UBR2: variants seen among roughly 807,000 people sequenced by gnomAD.
UBR2 encodes ubiquitin protein ligase E3 component n-recognin 2, also known as E3 ubiquitin-protein ligase UBR2.
A neutral mutation model predicts 247.9 loss-of-function variants in UBR2; 92 were observed. The observed-to-expected ratio is 0.37, with a 90% confidence interval of 0.31 to 0.44. The LOEUF is 0.44. UBR2 is among the 20% of genes least tolerant of loss of function. The pLI, the probability that UBR2 is intolerant of heterozygous loss-of-function variation, is 1.00. For missense variants in UBR2, 1,613 were observed against 2,112.6 expected (o/e 0.76, Z 4.64); for synonymous variants, 672 against 693.5 (o/e 0.97, Z 0.49).
At chr6:42,607,102 A>G (rs559777065) in intron 7 of UBR2, among the ~76,000 whole-genome samples, 40 of 152,264 alleles carry the variant, frequency 2.6e-4, no homozygotes, top group African/African-American at 9.4e-4. Flanking sequence ...TTATTTTTAG[A>G]AATTAGAATT....
chr6:42,667,101 C>T (rs935627396), intron 34 of UBR2, among the ~76,000 whole-genome samples: 14 of 152,114 alleles, frequency 9.2e-5, no homozygotes, highest in African/African-American at 2.9e-4. Context: ...TTTGGGAGGC[C>T]ATGGCGGGCA....
rs377192192 is a variant in UBR2 at position 42,657,193 on chromosome 6, C to T, written c.2873-831C>T. ...GAGGTTGCAGTGATCCGAGATTACA[C>T]CACTGCACTCCAGCCTGGGCGACAG... On this transcript the variant is annotated intron_variant, in intron 26 of 46. Coordinates refer to ENST00000372901, the MANE Select transcript of UBR2 (RefSeq NM_001363705.2). Among the ~76,000 whole-genome samples the T allele has an allele frequency of 5.3e-5, 8 of 150,536 alleles. No individual in the cohort carries two copies. The East Asian group carries it at 9.8e-4, about 18-fold the overall frequency.
chr6:42,567,802 G>A (rs1403856236), intron 1 of UBR2, among the ~76,000 whole-genome samples: 2 of 152,156 alleles, frequency 1.3e-5, no homozygotes, highest in East Asian at 3.8e-4. Flanking sequence ...TTGGGAGGCT[G>A]AGGTGGGAGG....
intron 2 of UBR2, among the ~76,000 whole-genome samples, chr6:42,586,361 A>G (rs550989438): frequency 5.6e-4 from 85 of 152,324 alleles, no homozygotes; most frequent in Non-Finnish European, 9.4e-4. Flanking sequence ...CCTTGTCTCA[A>G]CAAACAAAAC....
intron 2 of UBR2, among the ~76,000 whole-genome samples, chr6:42,581,348 C>T (rs1791887369): frequency 6.6e-6 from 1 of 152,106 alleles, no homozygotes; most frequent in East Asian, 1.9e-4. Context: ...CACCACCATG[C>T]TCAGCTAATT....
chr6:42,614,231 CACACACACA>C lies in UBR2; in HGVS notation c.986-839_986-831del, dbSNP rs1562310995. 5.3e-4 allele frequency among the ~76,000 whole-genome samples: 50 copies of C among 94,950 alleles called. 6 individuals carry two copies. The highest frequency in any genetic ancestry group is 1.8e-3 in the African/African-American group (48 of 26,402). 62.3% of individuals were successfully genotyped at this position (94,950 alleles called of 152,430 possible). A position where few individuals can be genotyped will look rare whatever the true frequency, so the allele number is the denominator to read the frequency against. Reference sequence around the variant, plus strand: ...CTATATATATATACACACACACACACACACACACACACACGCGCGCACATATATATACAC... The same window carrying C: ...CTATATATATATACACACACACACACCACACGCGCGCACATATATATACAC... On this transcript the variant is annotated intron_variant, in intron 8 of 46. Coordinates refer to ENST00000372901, the MANE Select transcript of UBR2 (RefSeq NM_001363705.2).
At chr6:42,621,030 A>G (rs1244406868) in intron 11 of UBR2, among the ~76,000 whole-genome samples, 1 of 151,798 alleles carries the variant, frequency 6.6e-6, no homozygotes, top group African/African-American at 2.4e-5. Flanking sequence ...ACTATGTTGG[A>G]CAGACTGGTC....
At chr6:42,679,693 T>C (rs760464074) in intron 41 of UBR2, 31 bp from the exon 42 acceptor site, 8 of 1,490,390 alleles carry the variant, frequency 5.4e-6, no homozygotes, top group African/African-American at 2.8e-5. Context: ...TTAGTTGTTA[T>C]ATGCACTCTT....
intron 16 of UBR2, 131 bp downstream of exon 16, chr6:42,640,401 TG>T (rs1796362406): frequency 1.9e-5 from 7 of 363,124 alleles, no homozygotes; most frequent in Non-Finnish European, 3.5e-5. Context: ...TGTGTGTGTG[TG>T]TGTGTGTGTG....
intron 25 of UBR2, among the ~76,000 whole-genome samples, chr6:42,655,053 G>T (rs1020556335): frequency 6.6e-6 from 1 of 152,198 alleles, no homozygotes; most frequent in Non-Finnish European, 1.5e-5. Context: ...GCTGGTCACA[G>T]CTGGTGTAAT....
chr6:42,564,455 G>A, intron 1 of UBR2, 58 bp downstream of exon 1: 3 of 1,564,088 alleles, frequency 1.9e-6, no homozygotes. Context: ...CCTGTGGGGA[G>A]GAACCGACTC....
intron 2 of UBR2, among the ~76,000 whole-genome samples, chr6:42,576,694 T>C (rs943949970): frequency 9.9e-5 from 15 of 151,976 alleles, no homozygotes; most frequent in Admixed American, 5.2e-4. Context: ...CTAATCTGTG[T>C]ATTTTTAGTA....
intron 42 of UBR2, among the ~76,000 whole-genome samples, chr6:42,681,536 A>G (rs1272280386): frequency 6.6e-6 from 1 of 152,138 alleles, no homozygotes; most frequent in African/African-American, 2.4e-5. Flanking sequence ...GGGAAATCAC[A>G]CTGACATACC....
At chr6:42,606,088 C>T (rs1793681353) in intron 6 of UBR2, among the ~76,000 whole-genome samples, 1 of 151,844 alleles carries the variant, frequency 6.6e-6, no homozygotes, top group South Asian at 2.1e-4. Context: ...ACTAAAAATA[C>T]AAAAATTAGC....
At position 42,655,609 on chromosome 6, in the gene UBR2, C is replaced by T; in HGVS notation, c.2770-12C>T. On this transcript the variant is annotated splice_polypyrimidine_tract_variant and intron_variant, in intron 25 of 46. Transcript: ENST00000372901. ...TAAATTTTTACTAAAAGTTACAAAA[C>T]ATTTATTCAAGGTGTTACATTTAAT... 1.3e-6 allele frequency: 2 copies of T among 1,489,770 alleles called. No individual in the cohort carries two copies. The highest frequency in any genetic ancestry group is 1.8e-6 in the Non-Finnish European group (2 of 1,110,452). 92.3% of individuals were successfully genotyped at this position (1,489,770 alleles called of 1,614,324 possible).
In UBR2 at chr6:42,658,788, A is replaced by T; in HGVS notation, c.3206A>T (p.Glu1069Val). The T allele has an allele frequency of 1.2e-6, 2 of 1,609,564 alleles. No individual in the cohort carries two copies. Among genetic ancestry groups the T allele is most frequent in the Non-Finnish European group, 1.7e-6 (2 of 1,178,444 alleles). Residue 1069 changes from glutamate (E) to valine (V), a missense_variant, in exon 29 of 47, where the codon GAA becomes GTA. Glu to Val is a moderately radical substitution (Grantham distance 121, BLOSUM62 -2). Around this residue, in one of 3 missense-constraint regions of UBR2, gnomAD observed 1,524 missense variants for 1,967.3 expected, o/e 0.77. Coordinates refer to ENST00000372901, the MANE Select transcript of UBR2 (RefSeq NM_001363705.2). ...ENKELFQQTL[E>V]LDASTSAVLD... ...AAAGAACTCTTTCAGCAGACATTAG[A>T]ACTGGATGCCTCAACCTCTGCTGTT...
Position 42,650,344 on chromosome 6 carries a change from C to T in UBR2, c.2523C>T (p.Phe841=), listed in dbSNP as rs1445196332. 1 of 1,613,866 alleles carries T rather than the reference C, an allele frequency of 6.2e-7. No individual in the cohort carries two copies. Among genetic ancestry groups the T allele is most frequent in the East Asian group, 2.2e-5 (1 of 44,882 alleles). ...TGAAACCAGAATGTGCCAAAGAGTT[C>T]AACTTGTATTTCTATCACTTTTCAA... The part of the protein sequence containing the change: ...YELKPECAKE[F]NLYFYHFSRA... Residue 841 remains phenylalanine, a synonymous_variant, in exon 23 of 47, where the codon TTC becomes TTT. Coordinates refer to ENST00000372901, the MANE Select transcript of UBR2 (RefSeq NM_001363705.2).
chr6:42,574,720 G>A (rs1219894572), intron 2 of UBR2, among the ~76,000 whole-genome samples: 2 of 147,162 alleles, frequency 1.4e-5, no homozygotes, highest in Non-Finnish European at 1.5e-5. Context: ...TTCTGAGATG[G>A]AGTCTTGCCC....
chr6:42,620,625 T>C (rs558405812), intron 11 of UBR2, among the ~76,000 whole-genome samples: 207 of 149,246 alleles, frequency 1.4e-3, no homozygotes, highest in African/African-American at 4.9e-3. Flanking sequence ...AGCTAAGTTT[T>C]TGTATTTATA....
Sources: allele counts gnomAD v4.1 joint callset (sites outside exome capture counted in the v4.1 genomes callset), GRCh38; gene constraint gnomAD v4.1.1; regional missense constraint gnomAD v4.1.1; transcripts MANE v1.5; gene names NCBI Gene and HGNC (gene_info 2026-07-23, HGNC 2026-07-21).